The following AGAP1 variants were observed in gnomAD, a reference collection of about 807,000 sequenced individuals.
The protein encoded by AGAP1 is ArfGAP with GTPase domain, ankyrin repeat and PH domain 1.
AGAP1 carries 29 observed loss-of-function variants against 105.3 expected under a neutral mutation model. The ratio of observed to expected loss-of-function variants is 0.28; its 90% CI spans 0.21 to 0.38. AGAP1 has a LOEUF of 0.38. Among genes scored for constraint, AGAP1 ranks in the 10% least tolerant of loss-of-function variants. AGAP1 has a pLI of 1.00. For missense variants in AGAP1, 998 were observed against 1,165.1 expected (o/e 0.86, Z 2.09); for synonymous variants, 509 against 485.9 (o/e 1.05, Z -0.63).
rs144634746 is a variant in AGAP1 at position 235,732,966 on chromosome 2, G to C, written c.311-7997G>C. Among the ~76,000 whole-genome samples the C allele has an allele frequency of 3.8e-3, 582 of 152,300 alleles. 6 individuals are homozygous for C. Among genetic ancestry groups the C allele is most frequent in the South Asian group, 0.034 (164 of 4,820 alleles). ...GAGTCTCACTGCCCACGCTGTGGGA[G>C]CTGAGACTGGATGCTGTTCTGGAGA... On this transcript the variant is annotated intron_variant, in intron 3 of 17. Transcript: ENST00000304032. The surrounding 1 kb of genome is among the most constrained non-coding windows in gnomAD (Gnocchi z 4.8).
At chr2:235,501,014 T>G (rs2085587460) in intron 1 of AGAP1, among the ~76,000 whole-genome samples, 1 of 152,216 alleles carries the variant, frequency 6.6e-6, no homozygotes, top group East Asian at 1.9e-4. Flanking sequence ...ATACCCTGTA[T>G]GGCCTGCTTT....
rs1281236782 is a variant in AGAP1 at position 236,091,811 on chromosome 2, G to C, written c.2115-28381G>C. 5.3e-5 allele frequency among the ~76,000 whole-genome samples: 8 copies of C among 152,322 alleles called. No individual in the cohort carries two copies. The East Asian group carries it at 1.5e-3, about 29-fold the overall frequency. Reference sequence around the variant, plus strand: ...AAAACTTAGGTTTACACAAAAACCTGTATGTGAATGTTCTTAGTGGCGTTG... The same window carrying C: ...AAAACTTAGGTTTACACAAAAACCTCTATGTGAATGTTCTTAGTGGCGTTG... On this transcript the variant is annotated intron_variant, in intron 16 of 17. Coordinates refer to ENST00000304032, the MANE Select transcript of AGAP1 (RefSeq NM_001037131.3).
chr2:235,684,134 C>T (rs963178546), intron 1 of AGAP1, among the ~76,000 whole-genome samples: 6 of 152,140 alleles, frequency 3.9e-5, no homozygotes, highest in South Asian at 4.1e-4. Flanking sequence ...CTCCGCTTCC[C>T]GGGTTCACAC....
rs925424448 is a variant in AGAP1 at position 236,105,128 on chromosome 2, G to A, written c.2115-15064G>A. Reference sequence around the variant, plus strand: ...CACGGCCCTCACCCAGGGCAGCAGAGATCAGGGCTGACTTTCCAAGCCAGC... The same window carrying A: ...CACGGCCCTCACCCAGGGCAGCAGAAATCAGGGCTGACTTTCCAAGCCAGC... On this transcript the variant is annotated intron_variant, in intron 16 of 17. Coordinates refer to ENST00000304032, the MANE Select transcript of AGAP1 (RefSeq NM_001037131.3). The surrounding 1 kb of genome is among the most constrained non-coding windows in gnomAD (Gnocchi z 4.2). 1.3e-5 allele frequency among the ~76,000 whole-genome samples: 2 copies of A among 152,144 alleles called. No homozygotes were observed. Among genetic ancestry groups the A allele is most frequent in the African/African-American group, 4.8e-5 (2 of 41,422 alleles).
chr2:235,656,016 G>C (rs1444301412), intron 1 of AGAP1, among the ~76,000 whole-genome samples: 1 of 152,192 alleles, frequency 6.6e-6, no homozygotes, highest in Non-Finnish European at 1.5e-5. Flanking sequence ...AAGAAATGCA[G>C]AGTCCAGGGA....
rs576266126 is a variant in AGAP1, at chr2:235,528,665, A to G, written c.163+33816A>G. On this transcript the variant is annotated intron_variant, in intron 1 of 17. Transcript: ENST00000304032. The stretch of plus-strand genomic sequence containing the variant: ...CCAGCCTTCTCTTGTGTGCATTTGT[A>G]TGTGGGGTTAATTTTTTGTTTGTTT... Among the ~76,000 whole-genome samples, 3 of 152,158 alleles carry G rather than the reference A, an allele frequency of 2.0e-5. No individual in the cohort carries two copies. In the South Asian group the frequency reaches 6.2e-4, roughly 32 times the overall value.
Position 235,692,313 on chromosome 2 carries a change from G to T in AGAP1, c.164-16866G>T, listed in dbSNP as rs936552147. Among the ~76,000 whole-genome samples the T allele has an allele frequency of 1.3e-5, 2 of 152,044 alleles. No homozygotes were observed. Among genetic ancestry groups the T allele is most frequent in the African/African-American group, 2.4e-5 (1 of 41,378 alleles). Reference sequence around the variant, plus strand: ...GCCCCTGCCTTCCATCTTCCCCAGGGTGCCAGTGGGGACCTTGCCTTCTCC... The same window carrying T: ...GCCCCTGCCTTCCATCTTCCCCAGGTTGCCAGTGGGGACCTTGCCTTCTCC... On this transcript the variant is annotated intron_variant, in intron 1 of 17. Coordinates refer to ENST00000304032, the MANE Select transcript of AGAP1 (RefSeq NM_001037131.3). The surrounding 1 kb of genome is among the most constrained non-coding windows in gnomAD (Gnocchi z 5.8).
chr2:235,881,234 T>C (rs565131045), intron 9 of AGAP1, among the ~76,000 whole-genome samples: 55 of 152,212 alleles, frequency 3.6e-4, no homozygotes, highest in Non-Finnish European at 6.9e-4. Flanking sequence ...TAATTGGACT[T>C]GAACTCAATT....
At chr2:235,998,793 AGTG>A (rs959815447) in intron 13 of AGAP1, among the ~76,000 whole-genome samples, 4 of 142,068 alleles carry the variant, frequency 2.8e-5, no homozygotes, top group African/African-American at 1.0e-4. Flanking sequence ...GGGTTGTGAC[AGTG>A]GTGGTAATGA....
At chr2:235,902,505 G>T (rs2051113662) in intron 10 of AGAP1, among the ~76,000 whole-genome samples, 2 of 152,178 alleles carry the variant, frequency 1.3e-5, no homozygotes, top group Admixed American at 6.5e-5. Context: ...AATGAAGTAT[G>T]CAGATTTCTA....
At chr2:235,929,953 G>A (rs938740074) in intron 11 of AGAP1, among the ~76,000 whole-genome samples, 2 of 152,094 alleles carry the variant, frequency 1.3e-5, no homozygotes, top group African/African-American at 4.8e-5. Context: ...TTTTAAAAAA[G>A]CCCCAGTACC....
At chr2:235,909,453 A>G (rs1044325210) in intron 11 of AGAP1, among the ~76,000 whole-genome samples, 3 of 152,028 alleles carry the variant, frequency 2.0e-5, no homozygotes, top group African/African-American at 7.2e-5. Context: ...TCAAATGTTG[A>G]TGTGTTTAGA....
rs919694323 is a variant in AGAP1 at position 235,725,037 on chromosome 2, A to G, written c.310+7393A>G. Among the ~76,000 whole-genome samples, 2 of 152,130 alleles carry G rather than the reference A, an allele frequency of 1.3e-5. No individual in the cohort carries two copies. The highest frequency in any genetic ancestry group is 2.9e-5 in the Non-Finnish European group (2 of 68,034). ...CATGTCGGGGGTCAGGCTGTGCTGC[A>G]CTGAGGCTGAAGGGTTCTGGGATTT... is the stretch of plus-strand genomic sequence containing the variant. On this transcript the variant is annotated intron_variant, in intron 3 of 17. Coordinates refer to ENST00000304032, the MANE Select transcript of AGAP1 (RefSeq NM_001037131.3). The surrounding 1 kb of genome is among the most constrained non-coding windows in gnomAD (Gnocchi z 5.7).
At chr2:235,806,258 C>T (rs1957828848) in intron 8 of AGAP1, among the ~76,000 whole-genome samples, 1 of 152,134 alleles carries the variant, frequency 6.6e-6, no homozygotes, top group Non-Finnish European at 1.5e-5. Flanking sequence ...GAAAATGTTT[C>T]TCCATTTTCA....
At chr2:235,886,059 T>C (rs145582909) in intron 10 of AGAP1, among the ~76,000 whole-genome samples, 97 of 152,206 alleles carry the variant, frequency 6.4e-4, no homozygotes, top group African/African-American at 2.3e-3. Context: ...TCTGCAGCCC[T>C]CTCCACACCC....
intron 9 of AGAP1, among the ~76,000 whole-genome samples, chr2:235,818,518 C>G (rs1216460404): frequency 2.0e-5 from 3 of 152,216 alleles, no homozygotes; most frequent in Non-Finnish European, 4.4e-5. Flanking sequence ...TCTCAGCTCA[C>G]TGCAACCTCT....
rs1026667925 is a variant in AGAP1 at position 235,663,291 on chromosome 2, A to G, written c.164-45888A>G. On this transcript the variant is annotated intron_variant, in intron 1 of 17. Coordinates refer to ENST00000304032, the MANE Select transcript of AGAP1 (RefSeq NM_001037131.3). This position sits in a 1 kb window ranked among gnomAD's most constrained non-coding sequence, Gnocchi z 5.4. ...ACCATTGCACTCCAGCCTGGGCAAC[A>G]AGAAGGAAACTCTGTCTCAAAAAAA... Among the ~76,000 whole-genome samples, 4 of 152,176 alleles carry G rather than the reference A, an allele frequency of 2.6e-5. No homozygotes were observed. The highest frequency in any genetic ancestry group is 4.8e-5 in the African/African-American group (2 of 41,432).
At chr2:235,626,009 A>T (rs1213026645) in intron 1 of AGAP1, among the ~76,000 whole-genome samples, 2 of 152,184 alleles carry the variant, frequency 1.3e-5, no homozygotes, top group African/African-American at 4.8e-5. Flanking sequence ...TATGAGCGAA[A>T]AATTGGGAAG....
At chr2:235,921,231 A>G (rs879672250) in intron 11 of AGAP1, among the ~76,000 whole-genome samples, 8 of 152,240 alleles carry the variant, frequency 5.3e-5, no homozygotes, top group Admixed American at 2.6e-4. Context: ...AATTATCTAC[A>G]TTAAATCAAT....
Sources: gnomAD v4.1 joint callset for allele counts (sites outside exome capture counted in the v4.1 genomes callset) on GRCh38, gnomAD v4.1.1 for gene constraint, Gnocchi (gnomAD v3.1) non-coding constraint, MANE v1.5 for transcripts, NCBI Gene and HGNC (gene_info 2026-07-23, HGNC 2026-07-21) for gene names.